The following ARHGAP21 variants were observed in gnomAD, a reference collection of about 807,000 sequenced individuals.
The protein encoded by ARHGAP21 is Rho GTPase activating protein 21.
In ARHGAP21, 38 loss-of-function variants were observed where a neutral mutation model predicts 164.6. The observed-to-expected ratio is 0.23, with a 90% CI of 0.18 to 0.30. The LOEUF (loss-of-function observed/expected upper bound fraction) is 0.30, where lower values mean the gene tolerates loss of function less well. ARHGAP21 is among the 10% of genes least tolerant of loss of function. The pLI is 1.00. For missense variants in ARHGAP21, 1,822 were observed against 2,370.7 expected (o/e 0.77, Z 4.81); for synonymous variants, 766 against 857.9 (o/e 0.89, Z 1.87).
At chr10:24,716,033 T>C (rs1016513472) in intron 2 of ARHGAP21, among the ~76,000 whole-genome samples, 20 of 152,152 alleles carry the variant, frequency 1.3e-4, no homozygotes, top group African/African-American at 4.3e-4. Context: ...TAAATAAGAA[T>C]TCACATACTA....
At position 24,584,204 on chromosome 10, in the gene ARHGAP21, T is replaced by G. The variant is rs925923266; in HGVS notation, c.*208A>C. ...AATACCTTGCTCATTTGTATACAAC[T>G]ATCCGATATATTTTTAAATATATAT... is the stretch of plus-strand genomic sequence containing the variant. On this transcript the variant is annotated 3_prime_UTR_variant, in exon 26 of 26. Transcript: ENST00000396432. 4.8e-5 allele frequency: 11 copies of G among 227,558 alleles called. No individual in the cohort carries two copies. The highest frequency in any genetic ancestry group is 7.1e-5 in the Non-Finnish European group (10 of 141,148). The allele number at this position is 227,558 out of a possible 1,614,324, so 14.1% of individuals were successfully genotyped here.
At chr10:24,685,421 C>T (rs546371059) in intron 2 of ARHGAP21, among the ~76,000 whole-genome samples, 1 of 152,176 alleles carries the variant, frequency 6.6e-6, no homozygotes, top group Non-Finnish European at 1.5e-5. Flanking sequence ...TAATCAGTTA[C>T]CTTTTAAGCA....
At position 24,584,963 on chromosome 10, in the gene ARHGAP21, G is replaced by A. The variant is rs879164995; in HGVS notation, c.5326C>T (p.Pro1776Ser). Reference protein sequence around the residue: ...ADRLKLRPRAPADDMFGVGNH... With the variant: ...ADRLKLRPRASADDMFGVGNH... ...CCTACTCCAAACATGTCATCCGCAG[G>A]GGCTCTGGGTCTCAGTTTTAACCGA... The change falls in exon 26 of 26, where the codon CCT becomes TCT. Residue 1776 changes from proline to serine, a missense_variant. Physicochemically the swap from Pro to Ser is moderately conservative, Grantham distance 74. Around this residue, in one of 5 missense-constraint regions of ARHGAP21, gnomAD observed 117 missense variants for 193.2 expected, o/e 0.61. Transcript: ENST00000396432. 9 of 1,613,822 alleles carry A rather than the reference G, an allele frequency of 5.6e-6. No homozygotes were observed. The highest frequency in any genetic ancestry group is 1.1e-5 in the South Asian group (1 of 91,056).
At chr10:24,658,528 A>G (rs1160400289) in intron 4 of ARHGAP21, among the ~76,000 whole-genome samples, 2 of 152,342 alleles carry the variant, frequency 1.3e-5, no homozygotes, top group South Asian at 2.1e-4. Context: ...TGTCCTTTGT[A>G]GAGACGTCGA....
At chr10:24,594,914 C>CT (rs1206168652) in intron 21 of ARHGAP21, 36 bp downstream of exon 21, 2 of 1,523,092 alleles carry the variant, frequency 1.3e-6, no homozygotes, top group South Asian at 2.3e-5. Context: ...ACTAAAGCCA[C>CT]TAAAAGTACA....
At chr10:24,618,304 T>C (rs1263668542) in intron 9 of ARHGAP21, among the ~76,000 whole-genome samples, 1 of 152,194 alleles carries the variant, frequency 6.6e-6, no homozygotes, top group Non-Finnish European at 1.5e-5. Flanking sequence ...TTCTAGGCAT[T>C]AGGGACACAA....
intron 2 of ARHGAP21, among the ~76,000 whole-genome samples, chr10:24,689,868 A>G (rs1167963617): frequency 6.7e-6 from 1 of 148,278 alleles, no homozygotes; most frequent in African/African-American, 2.5e-5. Context: ...ATGTATGTGT[A>G]TATATACATG....
At chr10:24,650,575 CAGAA>C (rs1241523970) in intron 4 of ARHGAP21, among the ~76,000 whole-genome samples, 1 of 151,858 alleles carries the variant, frequency 6.6e-6, no homozygotes, top group East Asian at 1.9e-4. Flanking sequence ...TTTTTAATCT[CAGAA>C]AAGAGAAAAA....
intron 24 of ARHGAP21, chr10:24,590,776 C>G: frequency 3.0e-6 from 3 of 985,270 alleles, no homozygotes; most frequent in Non-Finnish European, 3.6e-6. Context: ...GTGCCCATTA[C>G]CAGTTCAACA....
At chr10:24,714,248 GA>G (rs1333274275) in intron 2 of ARHGAP21, 2 of 152,168 alleles carry the variant, frequency 1.3e-5, no homozygotes, top group Admixed American at 1.3e-4. Context: ...ACTATAATAA[GA>G]AGACAGGACC....
chr10:24,653,784 T>G (rs1593175540), intron 4 of ARHGAP21, among the ~76,000 whole-genome samples: 1 of 152,176 alleles, frequency 6.6e-6, no homozygotes, highest in Non-Finnish European at 1.5e-5. Flanking sequence ...AGTACTCTTT[T>G]GTGCTTGATT....
chr10:24,703,993 C>T (rs1480992057), intron 2 of ARHGAP21, among the ~76,000 whole-genome samples: 3 of 152,182 alleles, frequency 2.0e-5, no homozygotes, highest in Admixed American at 6.5e-5. Flanking sequence ...AATTAGGACA[C>T]GTTAACATGA....
At chr10:24,591,786 A>G (rs2076342533) in intron 22 of ARHGAP21, 101 bp downstream of exon 22, 3 of 1,600,192 alleles carry the variant, frequency 1.9e-6, no homozygotes, top group African/African-American at 2.7e-5. Flanking sequence ...AGGGAAAGAT[A>G]TTACAACCAA....
chr10:24,674,310 G>C (rs1841001146), intron 2 of ARHGAP21, among the ~76,000 whole-genome samples: 1 of 152,156 alleles, frequency 6.6e-6, no homozygotes, highest in Admixed American at 6.5e-5. Flanking sequence ...AAAGTGAGGG[G>C]ATCACCTGAG....
intron 4 of ARHGAP21, among the ~76,000 whole-genome samples, chr10:24,636,987 ATAAT>A (rs1836454540): frequency 6.6e-6 from 1 of 152,270 alleles, no homozygotes; most frequent in Admixed American, 6.5e-5. Context: ...CATTCAATAA[ATAAT>A]TATTCAATGA....
intron 13 of ARHGAP21, among the ~76,000 whole-genome samples, chr10:24,601,258 C>CA (rs772810578): frequency 4.3e-4 from 66 of 152,202 alleles, no homozygotes; most frequent in Non-Finnish European, 8.4e-4. Context: ...AAAATCGGTC[C>CA]AAAAAACCTG....
intron 12 of ARHGAP21, among the ~76,000 whole-genome samples, chr10:24,602,969 G>A (rs1489073304): frequency 1.3e-5 from 2 of 152,112 alleles, no homozygotes; most frequent in African/African-American, 2.4e-5. Context: ...AAAACTAAGG[G>A]ATAAGGAAGT....
At chr10:24,718,166 C>T (rs112652157) in intron 2 of ARHGAP21, among the ~76,000 whole-genome samples, 150 of 151,732 alleles carry the variant, frequency 9.9e-4, no homozygotes, top group African/African-American at 3.4e-3. Context: ...AATGACGAGA[C>T]GGAAGAGTGA....
At chr10:24,700,835 G>A (rs1403653435) in intron 2 of ARHGAP21, among the ~76,000 whole-genome samples, 1 of 152,184 alleles carries the variant, frequency 6.6e-6, no homozygotes, top group African/African-American at 2.4e-5. Context: ...GCTTTAATGT[G>A]TGGAAGAATC....
Sources: allele counts gnomAD v4.1 joint callset (sites outside exome capture counted in the v4.1 genomes callset), GRCh38; gene constraint gnomAD v4.1.1; regional missense constraint gnomAD v4.1.1; transcripts MANE v1.5; gene names NCBI Gene and HGNC (gene_info 2026-07-23, HGNC 2026-07-21).